The following KCNN2 variants were observed in gnomAD, a reference collection of about 807,000 sequenced individuals.
KCNN2 encodes the protein potassium calcium-activated channel subfamily N member 2.
Under a neutral mutation model 55.5 loss-of-function variants are expected in KCNN2, and 24 were observed. That is an observed-to-expected ratio of 0.43 (90% CI 0.31 to 0.61). The LOEUF (loss-of-function observed/expected upper bound fraction) is 0.61. Among genes scored for constraint, KCNN2 ranks in the 20% least tolerant of loss-of-function variants. The pLI, the probability that KCNN2 is intolerant of heterozygous loss-of-function variation, is 0.08. For missense variants in KCNN2, 754 were observed against 853.6 expected (o/e 0.88, Z 1.45); for synonymous variants, 431 against 336.1 (o/e 1.28, Z -3.09).
At chr5:114,380,889 T>G (rs1758101209) in intron 2 of KCNN2, among the ~76,000 whole-genome samples, 1 of 152,134 alleles carries the variant, frequency 6.6e-6, no homozygotes, top group Admixed American at 6.5e-5. Flanking sequence ...GGCAGCTCCC[T>G]GGGGGCAGGC....
intron 1 of KCNN2, among the ~76,000 whole-genome samples, chr5:114,159,294 C>T (rs1027010174): frequency 6.6e-6 from 1 of 152,028 alleles, no homozygotes; most frequent in African/African-American, 2.4e-5. Context: ...TGTTTATATG[C>T]TGGATTACAT....
intron 1 of KCNN2, among the ~76,000 whole-genome samples, chr5:114,160,851 T>C (rs1429298766): frequency 6.6e-6 from 1 of 152,158 alleles, no homozygotes; most frequent in African/African-American, 2.4e-5. Flanking sequence ...GTTTTCCATT[T>C]GCTTGGTGGA....
intron 1 of KCNN2, among the ~76,000 whole-genome samples, chr5:114,104,841 G>A (rs973587459): frequency 5.3e-5 from 8 of 151,886 alleles, no homozygotes; most frequent in Non-Finnish European, 8.8e-5. Flanking sequence ...AAGAGAGATG[G>A]AGGAAAAATG....
At chr5:114,441,811 C>T (rs982066131) in intron 3 of KCNN2, among the ~76,000 whole-genome samples, 1 of 152,116 alleles carries the variant, frequency 6.6e-6, no homozygotes, top group Non-Finnish European at 1.5e-5. Flanking sequence ...GCTTAGTAAA[C>T]GAGGCACTTG....
At chr5:114,177,609 C>T (rs1014412676) in intron 1 of KCNN2, among the ~76,000 whole-genome samples, 1 of 142,296 alleles carries the variant, frequency 7.0e-6, no homozygotes, top group Non-Finnish European at 1.5e-5. Flanking sequence ...ATACACCATA[C>T]AAAACATTAA....
chr5:114,364,142 C>A, intron 2 of KCNN2, 141 bp downstream of exon 2: 1 of 631,570 alleles, frequency 1.6e-6, no homozygotes, highest in Admixed American at 2.8e-5. Context: ...TTACCGTTAG[C>A]ACCTGACCTG....
At chr5:114,461,561 T>C (rs986537128) in intron 3 of KCNN2, among the ~76,000 whole-genome samples, 1 of 152,202 alleles carries the variant, frequency 6.6e-6, no homozygotes, top group Non-Finnish European at 1.5e-5. Flanking sequence ...TTAGCTTCTC[T>C]ATTCTTTGGA....
At chr5:114,202,405 CTG>C (rs145204924) in intron 1 of KCNN2, among the ~76,000 whole-genome samples, 377 of 151,640 alleles carry the variant, frequency 2.5e-3, no homozygotes, top group African/African-American at 8.8e-3. Context: ...TACCTTGTCT[CTG>C]TGAATTCTTG....
At chr5:114,480,231 C>T (rs898588349) in intron 5 of KCNN2, among the ~76,000 whole-genome samples, 1 of 152,088 alleles carries the variant, frequency 6.6e-6, no homozygotes, top group Admixed American at 6.6e-5. Flanking sequence ...CTATTAAACA[C>T]CTCTATGCAT....
At chr5:114,438,103 T>C (rs1165756273) in intron 3 of KCNN2, among the ~76,000 whole-genome samples, 1 of 152,120 alleles carries the variant, frequency 6.6e-6, no homozygotes, top group Non-Finnish European at 1.5e-5. Flanking sequence ...TTTCCTTCCT[T>C]GGAGAAAGAA....
chr5:114,085,611 C>T (rs961516361), intron 1 of KCNN2, among the ~76,000 whole-genome samples: 1 of 151,774 alleles, frequency 6.6e-6, no homozygotes, highest in African/African-American at 2.4e-5. Context: ...AAAAAACACA[C>T]TGTTTAATTT....
chr5:114,223,149 A>G (rs1169554940), intron 2 of KCNN2, among the ~76,000 whole-genome samples: 2 of 152,210 alleles, frequency 1.3e-5, no homozygotes, highest in African/African-American at 4.8e-5. Flanking sequence ...TTAAAGAAAT[A>G]TCAATACCTG....
intron 2 of KCNN2, among the ~76,000 whole-genome samples, chr5:114,296,350 C>T (rs1021873513): frequency 6.6e-6 from 1 of 152,148 alleles, no homozygotes; most frequent in South Asian, 2.1e-4. Flanking sequence ...GAAGACCATC[C>T]TGATGGAAGG....
chr5:114,261,783 T>G (rs540948138), intron 2 of KCNN2, among the ~76,000 whole-genome samples: 1 of 152,252 alleles, frequency 6.6e-6, no homozygotes, highest in South Asian at 2.1e-4. Flanking sequence ...AGTTCTCAGC[T>G]CTCTCACATC....
At chr5:114,239,777 A>C (rs1561536031) in intron 2 of KCNN2, among the ~76,000 whole-genome samples, 1 of 152,028 alleles carries the variant, frequency 6.6e-6, no homozygotes, top group African/African-American at 2.4e-5. Flanking sequence ...TATTTTACCA[A>C]TTTTCTTGAG....
chr5:114,393,988 T>G (rs904538205), intron 2 of KCNN2, among the ~76,000 whole-genome samples: 2 of 152,160 alleles, frequency 1.3e-5, no homozygotes, highest in African/African-American at 4.8e-5. Flanking sequence ...ACATTCACTA[T>G]TTTTCACTCT....
chr5:114,191,389 T>C (rs1195730564), intron 1 of KCNN2, among the ~76,000 whole-genome samples: 4 of 152,156 alleles, frequency 2.6e-5, no homozygotes, highest in Non-Finnish European at 5.9e-5. Flanking sequence ...AAAAATTATT[T>C]ATGTAACTCT....
At chr5:114,419,842 A>T (rs1270713569) in intron 3 of KCNN2, among the ~76,000 whole-genome samples, 1 of 152,202 alleles carries the variant, frequency 6.6e-6, no homozygotes, top group Non-Finnish European at 1.5e-5. Context: ...GTAAAAAAAA[A>T]TAAGAATTAG....
At chr5:114,205,526 A>G (rs1206289028) in intron 1 of KCNN2, among the ~76,000 whole-genome samples, 2 of 152,250 alleles carry the variant, frequency 1.3e-5, no homozygotes, top group Non-Finnish European at 2.9e-5. Flanking sequence ...ATTAAAAAGA[A>G]TGAGCTTTCA....
Sources: gnomAD v4.1 joint callset for allele counts (sites outside exome capture counted in the v4.1 genomes callset) on GRCh38, gnomAD v4.1.1 for gene constraint, MANE v1.5 for transcripts, NCBI Gene and HGNC (gene_info 2026-07-23, HGNC 2026-07-21) for gene names.